Variants in SLIT2 observed in about 807,000 individuals in gnomAD.
SLIT2 encodes slit guidance ligand 2.
A neutral mutation model predicts 185.7 loss-of-function variants in SLIT2; 41 were observed. That is an observed-to-expected ratio of 0.22 (90% CI 0.17 to 0.29). SLIT2 has a LOEUF of 0.29. Among genes scored for constraint, SLIT2 ranks in the 10% least tolerant of loss-of-function variants. The pLI is 1.00. For missense variants in SLIT2, 1,571 were observed against 1,909.0 expected, an observed-to-expected ratio of 0.82 and a Z score of 3.30; for synonymous variants, 693 against 680.2, an observed-to-expected ratio of 1.02 and a Z score of -0.29.
In SLIT2 at chr4:20,491,778, G is replaced by T; in HGVS notation, c.793G>T (p.Ala265Ser). Reference protein sequence around the residue: ...FVCSGHQSFMAPSCSVLHCPA... With the variant: ...FVCSGHQSFMSPSCSVLHCPA... ...TTTTTTAGGTCACCAGTCATTTATG[G>T]CTCCTTCTTGTAGTGTTTTGCACTG... The change falls in exon 9 of 37, where the codon GCT (alanine) becomes TCT (serine). Residue 265 changes from alanine to serine, a missense_variant. Ala to Ser is a moderately conservative substitution (Grantham distance 99, BLOSUM62 1). This residue lies in a region of SLIT2 where 1,202 missense variants were observed against 1,416.4 expected (regional missense o/e 0.85). Coordinates refer to ENST00000504154, the MANE Select transcript of SLIT2 (RefSeq NM_004787.4). 6.2e-7 allele frequency: 1 copy of T among 1,610,730 alleles called. No individual in the cohort carries two copies. Among genetic ancestry groups the T allele is most frequent in the Non-Finnish European group, 8.5e-7 (1 of 1,178,350 alleles).
chr4:20,543,212 T>TTAGA, intron 21 of SLIT2, among the ~76,000 whole-genome samples: 1 of 152,196 alleles, frequency 6.6e-6, no homozygotes, highest in South Asian at 2.1e-4. Context: ...TCAAAGTCCT[T>TTAGA]TAGATCCTAA....
At chr4:20,511,461 G>T (rs539493269) in intron 11 of SLIT2, among the ~76,000 whole-genome samples, 5 of 128,620 alleles carry the variant, frequency 3.9e-5, no homozygotes, top group African/African-American at 8.9e-5. Flanking sequence ...TTGCTCTGTC[G>T]CCCAGACTGG....
At chr4:20,350,116 C>A (rs1721741848) in intron 4 of SLIT2, among the ~76,000 whole-genome samples, 1 of 152,164 alleles carries the variant, frequency 6.6e-6, no homozygotes. Flanking sequence ...TCATGTACTT[C>A]TTGTTCAGAT....
chr4:20,555,489 T>G (rs940923809), intron 26 of SLIT2, among the ~76,000 whole-genome samples: 1 of 152,048 alleles, frequency 6.6e-6, no homozygotes, highest in African/African-American at 2.4e-5. Context: ...AGGATTTTGT[T>G]AAGATTAGAT....
intron 4 of SLIT2, among the ~76,000 whole-genome samples, chr4:20,463,502 C>T (rs149073134): frequency 0.074 from 4,501 of 60,584 alleles, 110 homozygotes; most frequent in African/African-American, 0.099. Context: ...TGTGTGTGTG[C>T]GTATATCCAT....
chr4:20,528,886 C>T lies in SLIT2; in HGVS notation c.1463-63C>T. 7.3e-7 allele frequency: 1 copy of T among 1,366,930 alleles called. No individual in the cohort carries two copies. Among genetic ancestry groups the T allele is most frequent in the East Asian group, 2.3e-5 (1 of 43,030 alleles). 84.7% of individuals were successfully genotyped at this position (1,366,930 alleles called of 1,614,324 possible). A position where few individuals can be genotyped will look rare whatever the true frequency, so the allele number is the denominator to read the frequency against. ...TAGTTATCTTACTTTTTTCTTCCTA[C>T]AAACTAATAAATTTTCTAACCTTTA... On this transcript the variant is annotated intron_variant, in intron 15 of 36. Transcript: ENST00000504154. This position sits in a 1 kb window ranked among gnomAD's most constrained non-coding sequence, Gnocchi z 4.2.
chr4:20,378,748 A>G (rs1034613781), intron 4 of SLIT2, among the ~76,000 whole-genome samples: 3 of 152,148 alleles, frequency 2.0e-5, no homozygotes, highest in Non-Finnish European at 4.4e-5. Context: ...TATTTACTCA[A>G]ACAAGTTGAA....
rs1172407044 is a variant in SLIT2, at chr4:20,511,584, C to T, written c.1058+447C>T. The stretch of plus-strand genomic sequence containing the variant: ...TACAGGCGCCTGCCACCACATCCAG[C>T]TAATTTTTTTTTTTTTTTTATTTTT... On this transcript the variant is annotated intron_variant, in intron 11 of 36. Transcript: ENST00000504154. Among the ~76,000 whole-genome samples the T allele has an allele frequency of 2.6e-3, 75 of 29,238 alleles. 1 individual carries two copies. The highest frequency in any genetic ancestry group is 0.01 in the African/African-American group (68 of 6,742). 19.2% of individuals were successfully genotyped at this position (29,238 alleles called of 152,430 possible).
chr4:20,437,181 G>T (rs538563626), intron 4 of SLIT2, among the ~76,000 whole-genome samples: 1 of 151,968 alleles, frequency 6.6e-6, no homozygotes, highest in Non-Finnish European at 1.5e-5. Context: ...TGCCTCCCCC[G>T]CATCTCCATT....
At chr4:20,577,613 G>A (rs61790683) in intron 29 of SLIT2, among the ~76,000 whole-genome samples, 1 of 151,840 alleles carries the variant, frequency 6.6e-6, no homozygotes, top group African/African-American at 2.4e-5. Flanking sequence ...AGCAAAAGAG[G>A]AGAAAATATA....
At chr4:20,497,205 G>A (rs1319962984) in intron 9 of SLIT2, among the ~76,000 whole-genome samples, 1 of 150,518 alleles carries the variant, frequency 6.6e-6, no homozygotes, top group Non-Finnish European at 1.5e-5. Context: ...GAAGCCTGTA[G>A]ACATTTAACT....
chr4:20,333,994 T>G (rs1402494065), intron 4 of SLIT2, among the ~76,000 whole-genome samples: 1 of 152,214 alleles, frequency 6.6e-6, no homozygotes, highest in Non-Finnish European at 1.5e-5. Context: ...TTGAAGTAAT[T>G]GTTCAGCAAT....
At chr4:20,324,712 A>G (rs79425679) in intron 4 of SLIT2, among the ~76,000 whole-genome samples, 11,376 of 152,164 alleles carry the variant, frequency 0.075, 1,007 homozygotes, top group African/African-American at 0.21. Context: ...CATAATATAT[A>G]TACTTCAAAA....
intron 9 of SLIT2, among the ~76,000 whole-genome samples, chr4:20,498,371 T>A (rs1718422271): frequency 6.6e-6 from 1 of 152,206 alleles, no homozygotes; most frequent in Admixed American, 6.5e-5. Context: ...TCTTCAATAG[T>A]TGCAATGCCT....
At chr4:20,433,671 G>C (rs1354614443) in intron 4 of SLIT2, among the ~76,000 whole-genome samples, 1 of 152,138 alleles carries the variant, frequency 6.6e-6, no homozygotes, top group Non-Finnish European at 1.5e-5. Flanking sequence ...ATGTTCTGTT[G>C]GTGGGCAAGT....
At chr4:20,489,110 C>A in intron 8 of SLIT2, 128 bp downstream of exon 8, 1 of 578,422 alleles carries the variant, frequency 1.7e-6, no homozygotes, top group Non-Finnish European at 2.8e-6. Context: ...AATCACTCTA[C>A]AGAGATCCTC....
chr4:20,335,290 T>TGA (rs1346104471), intron 4 of SLIT2, among the ~76,000 whole-genome samples: 3 of 152,088 alleles, frequency 2.0e-5, no homozygotes, highest in Non-Finnish European at 4.4e-5. Context: ...AGCTGCAGGG[T>TGA]GAAGCCAAAC....
intron 4 of SLIT2, among the ~76,000 whole-genome samples, chr4:20,352,780 G>A (rs1025707485): frequency 6.6e-5 from 10 of 152,104 alleles, no homozygotes. Flanking sequence ...GGGCATGGTG[G>A]CATGCACCTA....
intron 9 of SLIT2, among the ~76,000 whole-genome samples, chr4:20,500,066 A>G (rs1718579603): frequency 6.6e-6 from 1 of 152,158 alleles, no homozygotes; most frequent in Non-Finnish European, 1.5e-5. Context: ...TTCAGACAAT[A>G]TTGATAAAAT....
Sources: gnomAD v4.1 joint callset for allele counts (sites outside exome capture counted in the v4.1 genomes callset) on GRCh38, gnomAD v4.1.1 for gene constraint, gnomAD v4.1.1 regional missense constraint, Gnocchi (gnomAD v3.1) non-coding constraint, MANE v1.5 for transcripts, NCBI Gene and HGNC (gene_info 2026-07-23, HGNC 2026-07-21) for gene names.